KLF8: variants seen among roughly 807,000 people sequenced by gnomAD.
The protein encoded by KLF8 is KLF transcription factor 8, also known as Krueppel-like factor 8.
KLF8 carries 10 observed loss-of-function variants against 18.2 expected under a neutral mutation model. The ratio of observed to expected loss-of-function variants is 0.55; its 90% confidence interval spans 0.34 to 0.93. KLF8 has a LOEUF of 0.93. KLF8 is among the 40% of genes least tolerant of loss of function. KLF8 has a pLI of 0.02. For synonymous variants in KLF8, 109 were observed against 97.3 expected, an observed-to-expected ratio of 1.12 and a Z score of -0.71; for missense variants, 264 against 277.9, an observed-to-expected ratio of 0.95 and a Z score of 0.36.
the KLF8 span, among the ~76,000 whole-genome samples, chrX:55,949,421 G>T: frequency 9.2e-6 from 1 of 108,209 alleles, no homozygotes; most frequent in Non-Finnish European, 1.9e-5. Flanking sequence ...TTTCGTAGAG[G>T]ATCCTCTGTT....
the KLF8 span, among the ~76,000 whole-genome samples, chrX:56,193,982 GCAA>G: frequency 8.9e-6 from 1 of 111,879 alleles, no homozygotes; most frequent in South Asian, 3.7e-4. Flanking sequence ...TGGATTGTTT[GCAA>G]CACAAAGGAA....
intron 1 of KLF8, among the ~76,000 whole-genome samples, chrX:56,236,848 T>TTG (rs3052510): frequency 0.16 from 15,143 of 94,907 alleles, 2,547 homozygotes; most frequent in African/African-American, 0.48. Context: ...ATGAGTATGT[T>TTG]TGTGTGTGTG....
At chrX:56,121,551 A>G in the KLF8 span, among the ~76,000 whole-genome samples, 1 of 111,610 alleles carries the variant, frequency 9.0e-6, no homozygotes, top group Non-Finnish European at 1.9e-5. Context: ...TTCTTTTCCC[A>G]AAGACAGAGA....
chrX:55,935,149 G>A, the KLF8 span, among the ~76,000 whole-genome samples: 1 of 112,439 alleles, frequency 8.9e-6, no homozygotes, highest in Non-Finnish European at 1.9e-5. Context: ...CTAAGTGCTG[G>A]TGAATGTGTA....
the KLF8 span, among the ~76,000 whole-genome samples, chrX:56,063,723 G>A: frequency 9.0e-6 from 1 of 111,362 alleles, no homozygotes; most frequent in Non-Finnish European, 1.9e-5. Context: ...CTGGCAGGCA[G>A]GAATGTTTAA....
At chrX:55,955,646 G>A in the KLF8 span, among the ~76,000 whole-genome samples, 2 of 111,313 alleles carry the variant, frequency 1.8e-5, no homozygotes, top group Non-Finnish European at 3.8e-5. Context: ...TTAAGCTCGA[G>A]TACTGATTGG....
the KLF8 span, among the ~76,000 whole-genome samples, chrX:55,999,202 G>T: frequency 1.9e-5 from 2 of 104,118 alleles, no homozygotes; most frequent in Non-Finnish European, 2.0e-5. Flanking sequence ...TGGTCTACGG[G>T]GGTATTTTAT....
At chrX:56,234,638 C>G (rs1320845046) in intron 1 of KLF8, among the ~76,000 whole-genome samples, 2 of 112,718 alleles carry the variant, frequency 1.8e-5, no homozygotes, top group Non-Finnish European at 3.7e-5. Context: ...CAGACTTCAT[C>G]ACTTCTGAAA....
the KLF8 span, among the ~76,000 whole-genome samples, chrX:56,164,729 C>CTTTTTTTTTTTTTTTTTT: frequency 7.7e-5 from 4 of 51,920 alleles, no homozygotes; most frequent in East Asian, 6.3e-4. Context: ...CTTGTTATCT[C>CTTTTTTTTTTTTTTTTTT]TTTTTTTTTT....
chrX:55,998,359 C>T, the KLF8 span, among the ~76,000 whole-genome samples: 1 of 111,809 alleles, frequency 8.9e-6, no homozygotes, highest in Non-Finnish European at 1.9e-5. Flanking sequence ...TTTCCCTTCC[C>T]ACGAGGCCAT....
the KLF8 span, among the ~76,000 whole-genome samples, chrX:56,186,157 C>T: frequency 9.0e-6 from 1 of 111,570 alleles, no homozygotes; most frequent in East Asian, 2.8e-4. Context: ...CACACATAGG[C>T]TCAAAATAAA....
At chrX:56,049,372 T>G in the KLF8 span, among the ~76,000 whole-genome samples, 1 of 111,527 alleles carries the variant, frequency 9.0e-6, no homozygotes, top group Admixed American at 9.6e-5. Flanking sequence ...CTTCTAGTTT[T>G]TGTCCATTCA....
the KLF8 span, among the ~76,000 whole-genome samples, chrX:56,098,653 G>A: frequency 1.8e-5 from 2 of 111,396 alleles, no homozygotes; most frequent in Non-Finnish European, 3.8e-5. Flanking sequence ...AAAACTGAAA[G>A]CTTTTCATCT....
chrX:55,987,233 G>A, the KLF8 span, among the ~76,000 whole-genome samples: 1 of 106,949 alleles, frequency 9.4e-6, no homozygotes, highest in Non-Finnish European at 1.9e-5. Context: ...CAGTTTTAGA[G>A]TACATGTGCA....
the KLF8 span, among the ~76,000 whole-genome samples, chrX:56,161,383 T>C: frequency 8.9e-6 from 1 of 111,892 alleles, no homozygotes; most frequent in Non-Finnish European, 1.9e-5. Flanking sequence ...GGTTCCATTC[T>C]CCCCATCACT....
At chrX:56,162,812 C>A in the KLF8 span, among the ~76,000 whole-genome samples, 6 of 111,282 alleles carry the variant, frequency 5.4e-5, no homozygotes, top group Non-Finnish European at 9.4e-5. Flanking sequence ...GTGAGATGAA[C>A]CCAGTACATC....
the KLF8 span, among the ~76,000 whole-genome samples, chrX:55,919,609 C>T: frequency 1.8e-5 from 2 of 109,761 alleles, no homozygotes; most frequent in East Asian, 2.9e-4. Flanking sequence ...CCAGGTGTCC[C>T]GCACTTCCCT....
the KLF8 span, among the ~76,000 whole-genome samples, chrX:55,979,280 T>C: frequency 8.9e-6 from 1 of 112,057 alleles, no homozygotes; most frequent in East Asian, 2.8e-4. Context: ...ACTCTATCCT[T>C]CCTGGGATGT....
chrX:56,257,184 GT>G (rs1317751988), intron 2 of KLF8, among the ~76,000 whole-genome samples: 2 of 111,072 alleles, frequency 1.8e-5, no homozygotes, highest in Non-Finnish European at 3.8e-5. Context: ...GTTATTTCAG[GT>G]TTTCTGAGTG....
Sources: gnomAD v4.1 joint callset for allele counts (sites outside exome capture counted in the v4.1 genomes callset) on GRCh38, gnomAD v4.1.1 for gene constraint, MANE v1.5 for transcripts, NCBI Gene and HGNC (gene_info 2026-07-23, HGNC 2026-07-21) for gene names.